STAB2: variants seen among roughly 807,000 people sequenced by gnomAD.
The protein encoded by STAB2 is stabilin 2, also known as stabilin-2.
A neutral mutation model predicts 338.1 loss-of-function variants in STAB2; 288 were observed. The ratio of observed to expected loss-of-function variants is 0.85; its 90% CI spans 0.77 to 0.94. The LOEUF (loss-of-function observed/expected upper bound fraction) is 0.94. STAB2 is among the 40% of genes least tolerant of loss of function. The pLI, the probability that STAB2 is intolerant of heterozygous loss-of-function variation, is 0.00. For missense variants in STAB2, 3,141 were observed against 3,210.1 expected (o/e 0.98, Z 0.52); for synonymous variants, 1,202 against 1,193.3 (o/e 1.01, Z -0.15).
chr12:103,666,492 T>C (rs1412427378), intron 19 of STAB2, 139 bp downstream of exon 19: 6 of 830,634 alleles, frequency 7.2e-6, no homozygotes, highest in South Asian at 6.3e-5. Context: ...GCCTACTATA[T>C]GGGGGATGGT....
intron 27 of STAB2, among the ~76,000 whole-genome samples, chr12:103,685,478 G>A (rs563327665): frequency 4.6e-5 from 7 of 151,574 alleles, no homozygotes; most frequent in African/African-American, 1.2e-4. Flanking sequence ...GTGTGCGTGC[G>A]CGCATGTGTG....
In STAB2 at chr12:103,741,527, C is replaced by T. The variant is rs576214135; in HGVS notation, c.5881+771C>T. ...GGAGTACAGTGGCAGGACCACAGCT[C>T]ACTACAGTCTCAACCCTCTGGGCTC... On this transcript the variant is annotated intron_variant, in intron 55 of 68. Transcript: ENST00000388887. 2.6e-5 allele frequency among the ~76,000 whole-genome samples: 4 copies of T among 152,332 alleles called. No homozygotes were observed. In the South Asian group the frequency reaches 8.3e-4, roughly 32 times the overall value.
chr12:103,660,670 C>G lies in STAB2; in HGVS notation c.1789-13C>G. ...CCCAAATATCTCTGCCTTTTGTTCT[C>G]TTCTTATTGCAGCTTGAAGTGGCCA... is the stretch of plus-strand genomic sequence containing the variant. On this transcript the variant is annotated splice_polypyrimidine_tract_variant and intron_variant, in intron 16 of 68. Coordinates refer to ENST00000388887, the MANE Select transcript of STAB2 (RefSeq NM_017564.10). The G allele has an allele frequency of 6.2e-7, 1 of 1,614,046 alleles. No homozygotes were observed. Among genetic ancestry groups the G allele is most frequent in the Non-Finnish European group, 8.5e-7 (1 of 1,179,934 alleles).
rs761181245 is a variant in STAB2 at position 103,650,592 on chromosome 12, A to G, written c.1257+14A>G. 6.2e-7 allele frequency: 1 copy of G among 1,609,028 alleles called. No homozygotes were observed. Among genetic ancestry groups the G allele is most frequent in the Non-Finnish European group, 8.5e-7 (1 of 1,175,628 alleles). ...AAAGGATTCAATGTGAGTATTTAAA[A>G]TGACCCTACACCAAGGGGCTAATAT... On this transcript the variant is annotated intron_variant, in intron 11 of 68. Coordinates refer to ENST00000388887, the MANE Select transcript of STAB2 (RefSeq NM_017564.10).
At chr12:103,622,167 A>G (rs971019256) in intron 5 of STAB2, 56 bp downstream of exon 5, 1 of 1,570,698 alleles carries the variant, frequency 6.4e-7, no homozygotes, top group African/African-American at 1.4e-5. Flanking sequence ...GTCCATGAGA[A>G]AGATTGCTCC....
intron 9 of STAB2, among the ~76,000 whole-genome samples, chr12:103,645,761 G>A (rs1873280933): frequency 1.3e-5 from 2 of 152,090 alleles, no homozygotes; most frequent in South Asian, 4.2e-4. Flanking sequence ...CTCAGCCTCA[G>A]CTCTACTGAC....
At chr12:103,642,341 C>T (rs891546427) in intron 9 of STAB2, among the ~76,000 whole-genome samples, 1 of 152,156 alleles carries the variant, frequency 6.6e-6, no homozygotes, top group African/African-American at 2.4e-5. Flanking sequence ...GAAAAATAGC[C>T]AGGACACGGC....
intron 3 of STAB2, 65 bp downstream of exon 3, chr12:103,594,575 G>A (rs1314460043): frequency 5.7e-6 from 7 of 1,234,256 alleles, no homozygotes; most frequent in Non-Finnish European, 8.4e-6. Flanking sequence ...AGAAAATTGA[G>A]ATGAAGGAAG....
chr12:103,625,819 G>A (rs914508175), intron 5 of STAB2, among the ~76,000 whole-genome samples: 2 of 152,190 alleles, frequency 1.3e-5, no homozygotes. Flanking sequence ...CAATAAACAT[G>A]TGTGTGCATG....
intron 7 of STAB2, 115 bp from the exon 8 acceptor site, chr12:103,637,901 G>A: frequency 2.8e-6 from 3 of 1,072,272 alleles, no homozygotes; most frequent in Non-Finnish European, 4.1e-6. Context: ...GGAAATGTTT[G>A]TCTTTGAAAA....
chr12:103,695,711 T>C (rs370269530), intron 32 of STAB2, 26 bp from the exon 33 acceptor site: 9 of 1,614,020 alleles, frequency 5.6e-6, no homozygotes, highest in African/African-American at 2.7e-5. Context: ...GAATCCCTCA[T>C]GCACTCTTGT....
rs1881641522 is a variant in STAB2 at position 103,731,594 on chromosome 12, G to A, written c.5242G>A (p.Ala1748Thr). The A allele has an allele frequency of 5.6e-6, 9 of 1,613,618 alleles. No individual in the cohort carries two copies. Among genetic ancestry groups the A allele is most frequent in the African/African-American group, 2.7e-5 (2 of 74,898 alleles). ...TTTGCAGCAAAATCTTACGACTTTGGCAACAAACAATGGCTACATCAAATT... is the reference window on the plus strand; with the variant it reads ...TTTGCAGCAAAATCTTACGACTTTGACAACAAACAATGGCTACATCAAATT... Reference protein sequence around the residue: ...GRILQNLTTLATNNGYIKFSN... With the variant: ...GRILQNLTTLTTNNGYIKFSN... The change falls in exon 50 of 69, where the codon GCA (alanine) becomes ACA (threonine). Residue 1748 changes from alanine (A) to threonine (T), a missense_variant. By Grantham distance (58) the Ala-to-Thr change is moderately conservative. Transcript: ENST00000388887.
intron 28 of STAB2, 45 bp downstream of exon 28, chr12:103,688,260 T>G (rs1877612720): frequency 6.3e-7 from 1 of 1,595,074 alleles, no homozygotes; most frequent in Admixed American, 1.7e-5. Flanking sequence ...GTATATATTT[T>G]AGAAACTTGG....
At chr12:103,605,233 A>G (rs1029395612) in intron 3 of STAB2, among the ~76,000 whole-genome samples, 22 of 151,978 alleles carry the variant, frequency 1.4e-4, no homozygotes, top group African/African-American at 5.1e-4. Context: ...AGGTTAAGCT[A>G]ATACCATGCT....
chr12:103,663,700 A>G (rs1218133009), intron 18 of STAB2, among the ~76,000 whole-genome samples: 1 of 152,134 alleles, frequency 6.6e-6, no homozygotes, highest in Non-Finnish European at 1.5e-5. Flanking sequence ...GGCCCACACT[A>G]ATTCAGCAGG....
rs1877591057 is a variant in STAB2 at position 103,688,097 on chromosome 12, T to A, written c.2998-71T>A. On this transcript the variant is annotated intron_variant, in intron 27 of 68. Coordinates refer to ENST00000388887, the MANE Select transcript of STAB2 (RefSeq NM_017564.10). ...AGGTGACCCAGAGATGCACTGTGAT[T>A]GCACTTCTCATTGTTCTTTCTCTGT... 4.1e-6 allele frequency: 6 copies of A among 1,474,496 alleles called. No homozygotes were observed. The East Asian group carries it at 9.0e-5, about 22-fold the overall frequency. 91.3% of individuals were successfully genotyped at this position (1,474,496 alleles called of 1,614,324 possible).
intron 3 of STAB2, among the ~76,000 whole-genome samples, chr12:103,608,170 G>A (rs182160243): frequency 3.3e-4 from 51 of 152,276 alleles, no homozygotes; most frequent in African/African-American, 1.0e-3. Flanking sequence ...GCAGAGCCTC[G>A]CTCTGTCGCC....
At chr12:103,766,206 A>G (rs773296232) in intron 68 of STAB2, 80 bp from the exon 69 acceptor site, 1 of 1,571,030 alleles carries the variant, frequency 6.4e-7, no homozygotes, top group African/African-American at 1.3e-5. Context: ...GTCATGCCTC[A>G]GACCAGTGGC....
chr12:103,619,866 T>C (rs1019283764), intron 3 of STAB2, among the ~76,000 whole-genome samples: 1 of 152,050 alleles, frequency 6.6e-6, no homozygotes, highest in Non-Finnish European at 1.5e-5. Flanking sequence ...ACCTTGTACT[T>C]GCTATTGCCT....
Sources: gnomAD v4.1 joint callset for allele counts (sites outside exome capture counted in the v4.1 genomes callset) on GRCh38, gnomAD v4.1.1 for gene constraint, MANE v1.5 for transcripts, NCBI Gene and HGNC (gene_info 2026-07-23, HGNC 2026-07-21) for gene names.